The following GRM7 variants were observed in gnomAD, a reference collection of about 807,000 sequenced individuals.
GRM7 encodes the protein metabotropic glutamate receptor 7.
GRM7 carries 35 observed loss-of-function variants against 84.5 expected under a neutral mutation model. That is an observed-to-expected ratio of 0.41 (90% CI 0.32 to 0.55). The LOEUF is 0.55. GRM7 is among the 20% of genes least tolerant of loss of function. The pLI is 0.19. For missense variants in GRM7, 1,003 were observed against 1,194.6 expected, an observed-to-expected ratio of 0.84 and a Z score of 2.36; for synonymous variants, 487 against 455.1, an observed-to-expected ratio of 1.07 and a Z score of -0.89.
intron 1 of GRM7, among the ~76,000 whole-genome samples, chr3:6,950,723 C>G (rs542447221): frequency 1.3e-5 from 2 of 152,186 alleles, no homozygotes; most frequent in Non-Finnish European, 2.9e-5. Context: ...GCTTCAGGGC[C>G]GCTTTGTTTA....
intron 1 of GRM7, among the ~76,000 whole-genome samples, chr3:7,139,197 GAGAA>G (rs1351903679): frequency 6.0e-5 from 9 of 150,686 alleles, no homozygotes; most frequent in Middle Eastern, 3.4e-3. Context: ...TTGGTAAAGA[GAGAA>G]AGAAAGAACA....
At chr3:7,677,285 A>AC (rs1161411071) in intron 8 of GRM7, among the ~76,000 whole-genome samples, 2 of 146,006 alleles carry the variant, frequency 1.4e-5, no homozygotes, top group African/African-American at 5.5e-5. Context: ...AAAAAAAAAA[A>AC]AAAAAAAAAC....
rs548648001 is a variant in GRM7 at position 7,552,632 on chromosome 3, G to A, written c.1516-25790G>A. 1.5e-3 allele frequency among the ~76,000 whole-genome samples: 232 copies of A among 152,338 alleles called. 1 individual carries two copies. Among genetic ancestry groups the A allele is most frequent in the African/African-American group, 5.4e-3 (223 of 41,590 alleles). On this transcript the variant is annotated intron_variant, in intron 7 of 9. Coordinates refer to ENST00000357716, the MANE Select transcript of GRM7 (RefSeq NM_000844.4). ...TGCACCCGCAGGCCCAACATCATGTGGAAGCTGCCAAGGCTTGGGGCTTGC... is the reference window on the plus strand; with the variant it reads ...TGCACCCGCAGGCCCAACATCATGTAGAAGCTGCCAAGGCTTGGGGCTTGC...
intron 5 of GRM7, among the ~76,000 whole-genome samples, chr3:7,441,716 A>G (rs1465657834): frequency 2.0e-5 from 3 of 152,186 alleles, no homozygotes; most frequent in African/African-American, 7.2e-5. Flanking sequence ...CAGTTATCCC[A>G]GCACCATTTA....
intron 2 of GRM7, among the ~76,000 whole-genome samples, chr3:7,207,322 C>T (rs1254730219): frequency 6.6e-6 from 1 of 152,178 alleles, no homozygotes. Flanking sequence ...AGGGCTTCTG[C>T]ATCAGGAGCT....
intron 8 of GRM7, among the ~76,000 whole-genome samples, chr3:7,645,000 A>G (rs551413838): frequency 1.3e-5 from 2 of 152,176 alleles, no homozygotes; most frequent in African/African-American, 4.8e-5. Flanking sequence ...ATCTTTCTGC[A>G]GATGCCCTTT....
intron 1 of GRM7, among the ~76,000 whole-genome samples, chr3:6,902,158 C>T (rs148838928): frequency 2.3e-3 from 348 of 152,288 alleles, no homozygotes; most frequent in Middle Eastern, 0.014. Flanking sequence ...CCTAACCTAA[C>T]CTCCGGATTA....
At chr3:7,146,038 T>G (rs1434921813) in intron 1 of GRM7, among the ~76,000 whole-genome samples, 1 of 152,212 alleles carries the variant, frequency 6.6e-6, no homozygotes, top group African/African-American at 2.4e-5. Context: ...CCACCCAGTA[T>G]TCACAAGCTG....
intron 1 of GRM7, among the ~76,000 whole-genome samples, chr3:6,970,156 A>G (rs962001904): frequency 7.2e-5 from 11 of 152,142 alleles, no homozygotes; most frequent in Non-Finnish European, 1.5e-4. Context: ...CCCAGCCAAG[A>G]GTGACTCAGG....
chr3:7,562,699 G>GA (rs936394984), intron 7 of GRM7, among the ~76,000 whole-genome samples: 2 of 151,518 alleles, frequency 1.3e-5, no homozygotes, highest in South Asian at 2.1e-4. Context: ...GATATTACAG[G>GA]AAAAAAAAGA....
At chr3:7,222,448 C>G (rs901133524) in intron 2 of GRM7, among the ~76,000 whole-genome samples, 1 of 152,080 alleles carries the variant, frequency 6.6e-6, no homozygotes, top group African/African-American at 2.4e-5. Context: ...TATCCCCCAG[C>G]TGACATTAGC....
At chr3:6,959,134 C>T (rs933087159) in intron 1 of GRM7, among the ~76,000 whole-genome samples, 1 of 152,136 alleles carries the variant, frequency 6.6e-6, no homozygotes, top group African/African-American at 2.4e-5. Flanking sequence ...TAAGCTCTCT[C>T]TACACATGAT....
intron 2 of GRM7, 21 bp from the exon 3 acceptor site, chr3:7,298,661 CTA>C: frequency 6.2e-7 from 1 of 1,604,288 alleles, no homozygotes; most frequent in South Asian, 1.1e-5. Flanking sequence ...ATTATTGACA[CTA>C]TGTTTTCTTC....
intron 8 of GRM7, chr3:7,591,338 T>G (rs1575531203): frequency 4.7e-6 from 1 of 213,824 alleles, no homozygotes; most frequent in African/African-American, 2.4e-5. Context: ...TAATTTTCAG[T>G]CTTCAGAACA....
intron 2 of GRM7, among the ~76,000 whole-genome samples, chr3:7,156,923 A>G (rs2125075132): frequency 6.6e-6 from 1 of 152,240 alleles, no homozygotes; most frequent in Admixed American, 6.5e-5. Flanking sequence ...CTAAAAGTGC[A>G]AGTGAGATAG....
intron 9 of GRM7, among the ~76,000 whole-genome samples, chr3:7,701,077 G>A (rs1178947901): frequency 6.6e-6 from 1 of 152,142 alleles, no homozygotes; most frequent in East Asian, 1.9e-4. Flanking sequence ...TAGAATATTT[G>A]GAGACTGCCG....
chr3:7,254,906 C>G (rs1286580996), intron 2 of GRM7, among the ~76,000 whole-genome samples: 1 of 152,202 alleles, frequency 6.6e-6, no homozygotes, highest in Admixed American at 6.5e-5. Context: ...GCTGTTGGTA[C>G]TACTTCTATA....
At chr3:7,516,237 C>A (rs1034070752) in intron 7 of GRM7, among the ~76,000 whole-genome samples, 2 of 149,222 alleles carry the variant, frequency 1.3e-5, no homozygotes, top group Non-Finnish European at 3.0e-5. Context: ...TTCGGGAAGC[C>A]GAAGCCGAGG....
intron 2 of GRM7, among the ~76,000 whole-genome samples, chr3:7,242,875 T>C (rs1157716854): frequency 1.3e-5 from 2 of 152,116 alleles, no homozygotes; most frequent in Non-Finnish European, 2.9e-5. Context: ...AACAGTATGG[T>C]TTTGAACTTT....
Sources: gnomAD v4.1 joint callset for allele counts (sites outside exome capture counted in the v4.1 genomes callset) on GRCh38, gnomAD v4.1.1 for gene constraint, MANE v1.5 for transcripts, NCBI Gene and HGNC (gene_info 2026-07-23, HGNC 2026-07-21) for gene names.